The following GAPVD1 variants were observed in gnomAD, a reference collection of about 807,000 sequenced individuals.
The protein encoded by GAPVD1 is GTPase activating protein and VPS9 domains 1, also known as GTPase-activating protein and VPS9 domain-containing protein 1.
GAPVD1 carries 35 observed loss-of-function variants against 155.5 expected under a neutral mutation model. The observed-to-expected ratio is 0.23, with a 90% confidence interval of 0.17 to 0.30. The LOEUF (loss-of-function observed/expected upper bound fraction) is 0.30. Ranked by LOEUF, GAPVD1 falls within the 10% of genes least tolerant of loss-of-function variation. The pLI is 1.00. For missense variants in GAPVD1, 1,429 were observed against 1,775.7 expected, an observed-to-expected ratio of 0.80 and a Z score of 3.51; for synonymous variants, 636 against 619.7, an observed-to-expected ratio of 1.03 and a Z score of -0.39.
chr9:125,361,028 A>T (rs987380404), intron 27 of GAPVD1, among the ~76,000 whole-genome samples: 3 of 151,516 alleles, frequency 2.0e-5, no homozygotes, highest in African/African-American at 4.9e-5. Context: ...TGCCCAGCGA[A>T]TTTTTTTTCA....
chr9:125,329,657 A>G (rs1222729949), intron 12 of GAPVD1, among the ~76,000 whole-genome samples: 2 of 149,180 alleles, frequency 1.3e-5, no homozygotes, highest in East Asian at 2.0e-4. Context: ...TTTTGAGACA[A>G]AGTCCCAAAA....
intron 19 of GAPVD1, among the ~76,000 whole-genome samples, chr9:125,343,262 ATTC>A (rs1033086435): frequency 1.5e-4 from 22 of 151,682 alleles, no homozygotes; most frequent in Non-Finnish European, 2.4e-4. Flanking sequence ...GCCCAAGACA[ATTC>A]TTCTTCTTCC....
intron 11 of GAPVD1, among the ~76,000 whole-genome samples, chr9:125,324,729 A>G (rs190982354): frequency 2.0e-5 from 3 of 152,180 alleles, no homozygotes; most frequent in African/African-American, 7.2e-5. Context: ...GTGGGAAGCC[A>G]TAGTACTTTT....
At chr9:125,346,196 C>G (rs981032358) in intron 19 of GAPVD1, 5 of 153,364 alleles carry the variant, frequency 3.3e-5, no homozygotes, top group African/African-American at 1.2e-4. Context: ...AGGTACAATT[C>G]CAGCACTCCC....
In GAPVD1 at chr9:125,350,764, TA is replaced by T. The variant is rs746490378; in HGVS notation, c.3462del (p.Leu1154PhefsTer6). The stretch of plus-strand genomic sequence containing the variant: ...GTTCAAATAGCTGAAGCAATTAATT[TA>T]CAAGATAAGAATCTAATGGCTCAAC... ...LKVQIAEAIN[L>X]QDKNLMAQLQ... On this transcript the variant is annotated frameshift_variant, in exon 23 of 28. Coordinates refer to ENST00000297933, the MANE Select transcript of GAPVD1 (RefSeq NM_001282680.3). LOFTEE classifies it high-confidence loss of function. 6.3e-7 allele frequency: 1 copy of T among 1,585,580 alleles called. No homozygotes were observed. Among genetic ancestry groups the T allele is most frequent in the Non-Finnish European group, 8.7e-7 (1 of 1,154,170 alleles).
At position 125,367,107 on chromosome 9, in the gene GAPVD1, T is replaced by C. The variant is rs546183537; in HGVS notation, c.*4361T>C. The C allele has an allele frequency of 3.3e-5, 5 of 152,354 alleles. No homozygotes were observed. In the East Asian group the frequency reaches 7.7e-4, roughly 23 times the overall value. The allele number at this position is 152,354 out of a possible 1,614,324, so 9.4% of individuals were successfully genotyped here. ...TCTCAATTAATGAGCTTGCACAATC[T>C]TGTATATGTACAGGAAACCCCTCCT... On this transcript the variant is annotated 3_prime_UTR_variant, in exon 28 of 28. Coordinates refer to ENST00000297933, the MANE Select transcript of GAPVD1 (RefSeq NM_001282680.3).
chr9:125,337,728 G>A, intron 17 of GAPVD1, 137 bp downstream of exon 17: 1 of 919,546 alleles, frequency 1.1e-6, no homozygotes, highest in East Asian at 2.6e-5. Flanking sequence ...GTCAATCTAT[G>A]GGCCCACAAC....
In GAPVD1 at chr9:125,302,600, A is replaced by C. The variant is rs200721068; in HGVS notation, c.803A>C (p.Tyr268Ser). The C allele has an allele frequency of 5.6e-6, 9 of 1,613,986 alleles. No homozygotes were observed. Among genetic ancestry groups the C allele is most frequent in the Non-Finnish European group, 7.6e-6 (9 of 1,179,962 alleles). ...GCTTTGGTGAACAAATTTATTGGTT[A>C]TCTCAAACAGAACACATATTGTTTT... is the stretch of plus-strand genomic sequence containing the variant. ...LVALVNKFIG[Y>S]LKQNTYCFPH... The change falls in exon 5 of 28, where the codon TAT becomes TCT. Residue 268 changes from tyrosine (Y) to serine (S), a missense_variant. Physicochemically the swap from Tyr to Ser is moderately radical, Grantham distance 144. This residue lies in a region of GAPVD1 where 628 missense variants were observed against 733.4 expected (regional missense o/e 0.86). Coordinates refer to ENST00000297933, the MANE Select transcript of GAPVD1 (RefSeq NM_001282680.3).
chr9:125,307,739 A>G lies in GAPVD1; in HGVS notation c.1300A>G (p.Arg434Gly). ...VMSGDQLRED[R>G]MALDNLLANL... ...GTCTGGAGATCAACTGAGAGAAGAT[A>G]GAATGGCTCTTGACAATTTATTGGC... is the stretch of plus-strand genomic sequence containing the variant. The change falls in exon 8 of 28, where the codon AGA becomes GGA. Residue 434 changes from arginine (R) to glycine (G), a missense_variant. Arg to Gly is a moderately radical substitution (Grantham distance 125). Around this residue, in one of 4 missense-constraint regions of GAPVD1, gnomAD observed 628 missense variants for 733.4 expected, o/e 0.86. Transcript: ENST00000297933. 1.2e-6 allele frequency: 2 copies of G among 1,614,148 alleles called. No individual in the cohort carries two copies. Among genetic ancestry groups the G allele is most frequent in the Non-Finnish European group, 1.7e-6 (2 of 1,179,974 alleles).
At chr9:125,360,476 G>T (rs562302931) in intron 26 of GAPVD1, 52 bp from the exon 27 acceptor site, 3 of 1,448,270 alleles carry the variant, frequency 2.1e-6, no homozygotes, top group Admixed American at 1.7e-5. Flanking sequence ...TAGTCACTGC[G>T]CAGGGTTGCC....
intron 26 of GAPVD1, 90 bp from the exon 27 acceptor site, chr9:125,360,438 C>A: frequency 1.0e-6 from 1 of 974,608 alleles, no homozygotes. Flanking sequence ...ACCACATTAT[C>A]CTCTGCCTCC....
Position 125,340,075 on chromosome 9 carries a change from C to T in GAPVD1, c.2878-1102C>T, listed in dbSNP as rs547207684. Among the ~76,000 whole-genome samples, 9 of 152,308 alleles carry T rather than the reference C, an allele frequency of 5.9e-5. No homozygotes were observed. The South Asian group carries it at 1.9e-3, about 32-fold the overall frequency. ...TCACTCTGTCGCCCAGGCTGGAGTG[C>T]AGTGGTGCGATCTCGGGTCACCGCA... On this transcript the variant is annotated intron_variant, in intron 17 of 27. Transcript: ENST00000297933.
intron 9 of GAPVD1, among the ~76,000 whole-genome samples, chr9:125,316,824 T>C (rs964394021): frequency 6.6e-6 from 1 of 152,208 alleles, no homozygotes. Context: ...CACACTGTCT[T>C]CCATAACAGT....
chr9:125,342,738 C>T (rs1406686404), intron 19 of GAPVD1, among the ~76,000 whole-genome samples: 1 of 152,164 alleles, frequency 6.6e-6, no homozygotes, highest in Non-Finnish European at 1.5e-5. Flanking sequence ...CTTGATTATT[C>T]AGGATCACAG....
chr9:125,324,041 T>C, intron 11 of GAPVD1, 118 bp downstream of exon 11: 1 of 771,946 alleles, frequency 1.3e-6, no homozygotes, highest in Non-Finnish European at 2.1e-6. Context: ...ACCATTAAAC[T>C]TAACATTTAT....
At chr9:125,293,904 AAGTTTTTG>A (rs1839396032) in intron 2 of GAPVD1, among the ~76,000 whole-genome samples, 1 of 96,552 alleles carries the variant, frequency 1.0e-5, no homozygotes, top group Admixed American at 1.6e-4. Flanking sequence ...ATATATATAT[AAGTTTTTG>A]TTTCTGTTTT....
intron 23 of GAPVD1, 152 bp downstream of exon 23, chr9:125,351,024 G>A (rs774103879): frequency 6.5e-5 from 42 of 643,998 alleles, no homozygotes; most frequent in Middle Eastern, 3.0e-4. Context: ...CTGTTCTCAC[G>A]CTGCTGATAA....
rs766905138 is a variant in GAPVD1, at chr9:125,332,516, G to T, written c.2315G>T (p.Ser772Ile). 6.3e-7 allele frequency: 1 copy of T among 1,595,968 alleles called. No homozygotes were observed. Among genetic ancestry groups the T allele is most frequent in the South Asian group, 1.1e-5 (1 of 88,754 alleles). ...TTACTATTGTTTTTTAAAGGCATAA[G>T]TGCAACCTCTGAGGATATTCCCAAT... ...TPGLSVVSGI[S>I]ATSEDIPNKI... The change falls in exon 15 of 28, where the codon AGT (serine) becomes ATT (isoleucine). Residue 772 changes from serine to isoleucine, a missense_variant. Transcript: ENST00000297933.
At chr9:125,356,981 A>G (rs1850172603) in intron 25 of GAPVD1, among the ~76,000 whole-genome samples, 1 of 151,904 alleles carries the variant, frequency 6.6e-6, no homozygotes, top group Non-Finnish European at 1.5e-5. Flanking sequence ...AGCCTTGTTT[A>G]TTTTTTGTAG....
Sources: allele counts gnomAD v4.1 joint callset (sites outside exome capture counted in the v4.1 genomes callset), GRCh38; gene constraint gnomAD v4.1.1; regional missense constraint gnomAD v4.1.1; transcripts MANE v1.5; gene names NCBI Gene and HGNC (gene_info 2026-07-23, HGNC 2026-07-21).